ATRNL1: variants seen among roughly 807,000 people sequenced by gnomAD.
The protein encoded by ATRNL1 is attractin-like protein 1.
In ATRNL1, 95 loss-of-function variants were observed where a neutral mutation model predicts 182.7. The ratio of observed to expected loss-of-function variants is 0.52; its 90% CI spans 0.44 to 0.62. The LOEUF (loss-of-function observed/expected upper bound fraction) is 0.62, where lower values mean the gene tolerates loss of function less well. Among genes scored for constraint, ATRNL1 ranks in the 20% least tolerant of loss-of-function variants. ATRNL1 has a pLI of 0.00. For synonymous variants in ATRNL1, 576 were observed against 568.3 expected (o/e 1.01, Z -0.19); for missense variants, 1,471 against 1,679.5 (o/e 0.88, Z 2.17).
intron 28 of ATRNL1, among the ~76,000 whole-genome samples, chr10:115,899,240 G>GT (rs1404719086): frequency 4.6e-5 from 7 of 152,022 alleles, no homozygotes; most frequent in Non-Finnish European, 8.8e-5. Context: ...GCGGTGTTTG[G>GT]TTTTTTGTCC....
At chr10:115,821,042 G>A (rs1304216504) in intron 27 of ATRNL1, among the ~76,000 whole-genome samples, 2 of 152,044 alleles carry the variant, frequency 1.3e-5, no homozygotes, top group African/African-American at 4.8e-5. Context: ...CTGCTGCCAT[G>A]TAATACATGC....
chr10:115,402,952 T>C (rs573703246), intron 20 of ATRNL1, among the ~76,000 whole-genome samples: 8 of 152,304 alleles, frequency 5.3e-5, no homozygotes, highest in Admixed American at 3.3e-4. Flanking sequence ...ATAAAAATTC[T>C]TGATACATTT....
chr10:115,171,265 A>G lies in ATRNL1; in HGVS notation c.1321A>G (p.Thr441Ala). Reference sequence around the variant, plus strand: ...TGGATATTCTGCAATATATGGTTATACAAGCAGCATACAGGAATACCATAT... The same window carrying G: ...TGGATATTCTGCAATATATGGTTATGCAAGCAGCATACAGGAATACCATAT... ...IFGYSAIYGY[T>A]SSIQEYHISS... The change falls in exon 8 of 29, where the codon ACA (threonine) becomes GCA (alanine). Residue 441 changes from threonine (T) to alanine (A), a missense_variant. Coordinates refer to ENST00000355044, the MANE Select transcript of ATRNL1 (RefSeq NM_207303.4). 6.2e-7 allele frequency: 1 copy of G among 1,605,244 alleles called. No individual in the cohort carries two copies. The highest frequency in any genetic ancestry group is 8.5e-7 in the Non-Finnish European group (1 of 1,173,824).
chr10:115,200,171 C>A (rs1483920829), intron 8 of ATRNL1, among the ~76,000 whole-genome samples: 10 of 151,264 alleles, frequency 6.6e-5, no homozygotes, highest in African/African-American at 2.2e-4. Context: ...ATACTACCAA[C>A]AATTTGGAGT....
chr10:115,510,260 G>T (rs1850322770), intron 24 of ATRNL1, among the ~76,000 whole-genome samples: 1 of 152,056 alleles, frequency 6.6e-6, no homozygotes, highest in Non-Finnish European at 1.5e-5. Context: ...GAAGCAGCTG[G>T]ATTTGAGGAT....
At chr10:115,534,059 G>T (rs1851790406) in intron 25 of ATRNL1, among the ~76,000 whole-genome samples, 1 of 151,764 alleles carries the variant, frequency 6.6e-6, no homozygotes, top group Non-Finnish European at 1.5e-5. Flanking sequence ...GTGGTGTGGT[G>T]CTGAAAAAAA....
chr10:115,888,337 T>C (rs1041756915), intron 28 of ATRNL1, among the ~76,000 whole-genome samples: 1 of 152,346 alleles, frequency 6.6e-6, no homozygotes, highest in Non-Finnish European at 1.5e-5. Context: ...ACATTCATTT[T>C]TGATGTCTTT....
chr10:115,161,056 T>A (rs144414404), intron 6 of ATRNL1, among the ~76,000 whole-genome samples: 21 of 151,880 alleles, frequency 1.4e-4, no homozygotes, highest in South Asian at 1.0e-3. Context: ...ATATATATAT[T>A]TTTTACAAAT....
chr10:115,690,293 G>C (rs1430622559), intron 26 of ATRNL1, among the ~76,000 whole-genome samples: 1 of 151,994 alleles, frequency 6.6e-6, no homozygotes, highest in Non-Finnish European at 1.5e-5. Flanking sequence ...GGTGGGTATT[G>C]GGGGGAGATA....
At chr10:115,284,462 T>C (rs1852513189) in intron 14 of ATRNL1, among the ~76,000 whole-genome samples, 1 of 152,176 alleles carries the variant, frequency 6.6e-6, no homozygotes, top group Non-Finnish European at 1.5e-5. Flanking sequence ...CACATATAGC[T>C]TCAAACTGAA....
chr10:115,739,507 C>G (rs543427150), intron 27 of ATRNL1, among the ~76,000 whole-genome samples: 23 of 152,302 alleles, frequency 1.5e-4, no homozygotes, highest in African/African-American at 5.5e-4. Context: ...CTGTGCTCAA[C>G]AGAATGGGCA....
intron 24 of ATRNL1, among the ~76,000 whole-genome samples, chr10:115,479,206 A>C (rs1186453835): frequency 6.6e-6 from 1 of 151,640 alleles, no homozygotes; most frequent in Non-Finnish European, 1.5e-5. Flanking sequence ...TTTGATAACT[A>C]ATTAGAAGTT....
intron 8 of ATRNL1, among the ~76,000 whole-genome samples, chr10:115,184,886 G>T (rs1259545675): frequency 6.6e-6 from 1 of 151,906 alleles, no homozygotes; most frequent in Non-Finnish European, 1.5e-5. Flanking sequence ...CTCAGTCGAG[G>T]TTTAGATGCG....
chr10:115,765,218 A>AG (rs1461169590), intron 27 of ATRNL1, among the ~76,000 whole-genome samples: 1 of 152,162 alleles, frequency 6.6e-6, no homozygotes, highest in African/African-American at 2.4e-5. Flanking sequence ...TCATATGGTC[A>AG]GGGTAGCTTA....
intron 26 of ATRNL1, among the ~76,000 whole-genome samples, chr10:115,647,482 G>A (rs1190098504): frequency 1.3e-5 from 2 of 152,070 alleles, no homozygotes; most frequent in African/African-American, 4.8e-5. Context: ...ACTTTTTGAT[G>A]ATCGCCATTC....
chr10:115,626,543 TC>T (rs1464893923), intron 26 of ATRNL1, among the ~76,000 whole-genome samples: 7 of 152,192 alleles, frequency 4.6e-5, no homozygotes, highest in African/African-American at 1.7e-4. Context: ...TTCAAAGTAG[TC>T]CTTGGATAAT....
At chr10:115,135,006 C>A (rs1554876242) in intron 5 of ATRNL1, among the ~76,000 whole-genome samples, 1 of 152,034 alleles carries the variant, frequency 6.6e-6, no homozygotes, top group Admixed American at 6.6e-5. Context: ...TAAAAACTCT[C>A]AATAAATTCG....
At chr10:115,291,554 TTAAG>T (rs1282014234) in intron 15 of ATRNL1, among the ~76,000 whole-genome samples, 2 of 152,142 alleles carry the variant, frequency 1.3e-5, no homozygotes, top group Non-Finnish European at 2.9e-5. Context: ...AATACCTAAT[TTAAG>T]TTTTTATCTT....
chr10:115,647,848 T>C (rs1225964811), intron 26 of ATRNL1, among the ~76,000 whole-genome samples: 1 of 152,200 alleles, frequency 6.6e-6, no homozygotes, highest in African/African-American at 2.4e-5. Context: ...GCTTTTGGTG[T>C]TTTAGTCATG....
Sources: allele counts gnomAD v4.1 joint callset (sites outside exome capture counted in the v4.1 genomes callset), GRCh38; gene constraint gnomAD v4.1.1; transcripts MANE v1.5; gene names NCBI Gene and HGNC (gene_info 2026-07-23, HGNC 2026-07-21).